Variants in INPP5A observed in about 807,000 individuals in gnomAD.
INPP5A encodes 43 kDa inositol polyphosphate 5-phophatase.
INPP5A carries 14 observed loss-of-function variants against 65.2 expected under a neutral mutation model. That is an observed-to-expected ratio of 0.21 (90% CI 0.14 to 0.34). The LOEUF (loss-of-function observed/expected upper bound fraction) is 0.34. INPP5A is among the 10% of genes least tolerant of loss of function. The pLI, the probability that INPP5A is intolerant of heterozygous loss-of-function variation, is 1.00. For missense variants in INPP5A, 431 were observed against 545.6 expected (o/e 0.79, Z 2.09); for synonymous variants, 207 against 208.3 (o/e 0.99, Z 0.05).
At chr10:132,548,169 C>T (rs969254804) in intron 1 of INPP5A, among the ~76,000 whole-genome samples, 11 of 151,826 alleles carry the variant, frequency 7.2e-5, no homozygotes, top group African/African-American at 9.7e-5. Flanking sequence ...TGTGAGCCAT[C>T]GTGCCCGGCC....
intron 11 of INPP5A, among the ~76,000 whole-genome samples, chr10:132,758,371 G>T (rs71503753): frequency 0.021 from 2,177 of 103,060 alleles, 109 homozygotes; most frequent in African/African-American, 0.056. Flanking sequence ...GACCCCACAG[G>T]CCAGTGCAAT....
rs1222341751 is a variant in INPP5A at position 132,727,367 on chromosome 10, T to TA, written c.732+464dup. ...TCTGCAAAGTCATTATTCCGTGAGTTAACGAGTCGTCACCCCCGCCTGGGA... is the reference window on the plus strand; with the variant it reads ...TCTGCAAAGTCATTATTCCGTGAGTTAAACGAGTCGTCACCCCCGCCTGGGA... On this transcript the variant is annotated intron_variant, in intron 9 of 15. Coordinates refer to ENST00000368594, the MANE Select transcript of INPP5A (RefSeq NM_005539.5). This position sits in a 1 kb window ranked among gnomAD's most constrained non-coding sequence, Gnocchi z 6.5. 1 of 152,618 alleles carries TA rather than the reference T, an allele frequency of 6.6e-6. No individual in the cohort carries two copies. The highest frequency in any genetic ancestry group is 2.4e-5 in the African/African-American group (1 of 41,452). The allele number at this position is 152,618 out of a possible 1,614,324, so 9.5% of individuals were successfully genotyped here.
intron 4 of INPP5A, 38 bp from the exon 5 acceptor site, chr10:132,690,354 C>T (rs1262211301): frequency 1.6e-6 from 2 of 1,254,978 alleles, no homozygotes; most frequent in Admixed American, 1.7e-5. Flanking sequence ...ATATTCCCAG[C>T]ACCAGTCTCT....
chr10:132,761,004 C>G (rs182795601), intron 11 of INPP5A, among the ~76,000 whole-genome samples: 2 of 152,138 alleles, frequency 1.3e-5, no homozygotes, highest in South Asian at 2.1e-4. Flanking sequence ...AGTTTGCATC[C>G]GCATAATATA....
rs956932509 is a variant in INPP5A, at chr10:132,644,828, C to G, written c.118-1040C>G. On this transcript the variant is annotated intron_variant, in intron 2 of 15. Transcript: ENST00000368594. The surrounding 1 kb of genome is among the most constrained non-coding windows in gnomAD (Gnocchi z 6.5). ...CCTGCTCAAGTGAAATGGGGCTCCCCGACTGCCTCACATGTGTCCCACCCA... is the reference window on the plus strand; with the variant it reads ...CCTGCTCAAGTGAAATGGGGCTCCCGGACTGCCTCACATGTGTCCCACCCA... 6.6e-6 allele frequency among the ~76,000 whole-genome samples: 1 copy of G among 152,210 alleles called. No individual in the cohort carries two copies. Among genetic ancestry groups the G allele is most frequent in the South Asian group, 2.1e-4 (1 of 4,824 alleles).
chr10:132,707,973 G>C lies in INPP5A; in HGVS notation c.475-340G>C, dbSNP rs529391037. The stretch of plus-strand genomic sequence containing the variant: ...CCAGCCGAGGGCGGCCGTGTGTCTC[G>C]AGCTCCCTGATCAGCATCTGTGGTG... On this transcript the variant is annotated intron_variant, in intron 6 of 15. Coordinates refer to ENST00000368594, the MANE Select transcript of INPP5A (RefSeq NM_005539.5). This position sits in a 1 kb window ranked among gnomAD's most constrained non-coding sequence, Gnocchi z 5.5. Among the ~76,000 whole-genome samples the C allele has an allele frequency of 6.6e-6, 1 of 152,180 alleles. No homozygotes were observed. Among genetic ancestry groups the C allele is most frequent in the African/African-American group, 2.4e-5 (1 of 41,442 alleles).
At chr10:132,734,733 T>G (rs1458674213) in intron 9 of INPP5A, among the ~76,000 whole-genome samples, 2 of 152,238 alleles carry the variant, frequency 1.3e-5, no homozygotes, top group African/African-American at 4.8e-5. Context: ...CCCACCTCTC[T>G]TCAGTTCTCC....
rs55675193 is a variant in INPP5A at position 132,717,887 on chromosome 10, G to T, written c.647+7431G>T. On this transcript the variant is annotated intron_variant, in intron 8 of 15. Transcript: ENST00000368594. Reference sequence around the variant, plus strand: ...TGGGTTCTGTCTGGGCGCCTTAGACGGCTGTCTTCAGGGTTCTGTGGTACC... The same window carrying T: ...TGGGTTCTGTCTGGGCGCCTTAGACTGCTGTCTTCAGGGTTCTGTGGTACC... 1.0e-3 allele frequency among the ~76,000 whole-genome samples: 136 copies of T among 132,400 alleles called. 1 individual carries two copies. The highest frequency in any genetic ancestry group is 4.0e-3 in the African/African-American group (129 of 31,972). The allele number at this position is 132,400 out of a possible 152,430, so 86.9% of individuals were successfully genotyped here. A position where few individuals can be genotyped will look rare whatever the true frequency, so the allele number is the denominator to read the frequency against.
At chr10:132,643,792 C>T in intron 2 of INPP5A, among the ~76,000 whole-genome samples, 1 of 152,132 alleles carries the variant, frequency 6.6e-6, no homozygotes. Flanking sequence ...GCCACTATGC[C>T]CACAGCATCC....
At chr10:132,763,782 C>T (rs868184508) in intron 11 of INPP5A, among the ~76,000 whole-genome samples, 4 of 152,016 alleles carry the variant, frequency 2.6e-5, no homozygotes, top group East Asian at 1.9e-4. Context: ...CACATAAACA[C>T]ATGCCTGCAT....
chr10:132,782,949 G>A lies in INPP5A; in HGVS notation c.*920G>A, dbSNP rs547220629. The A allele has an allele frequency of 2.0e-4, 30 of 152,460 alleles. No individual in the cohort carries two copies. The highest frequency in any genetic ancestry group is 6.5e-4 in the African/African-American group (27 of 41,526). 9.4% of individuals were successfully genotyped at this position (152,460 alleles called of 1,614,324 possible). A position where few individuals can be genotyped will look rare whatever the true frequency, so the allele number is the denominator to read the frequency against. ...TGTCTGTCTTTTGTTACTGTTTTAT[G>A]GTGCCAAGTATCCTACGTTACAACA... On this transcript the variant is annotated 3_prime_UTR_variant, in exon 16 of 16. Transcript: ENST00000368594. The surrounding 1 kb of genome is among the most constrained non-coding windows in gnomAD (Gnocchi z 4.4).
chr10:132,773,368 T>C (rs1846989472), intron 12 of INPP5A, among the ~76,000 whole-genome samples: 2 of 152,156 alleles, frequency 1.3e-5, no homozygotes, highest in Non-Finnish European at 2.9e-5. Context: ...GAGTTTTAGC[T>C]TCTGAAAAAC....
chr10:132,565,059 T>C (rs1234810437), intron 1 of INPP5A, among the ~76,000 whole-genome samples: 4 of 152,256 alleles, frequency 2.6e-5, no homozygotes, highest in African/African-American at 4.8e-5. Context: ...GCGTATTTTA[T>C]AGAGTGAGAT....
intron 9 of INPP5A, among the ~76,000 whole-genome samples, chr10:132,747,613 G>A (rs1390867727): frequency 6.6e-6 from 1 of 152,254 alleles, no homozygotes; most frequent in Non-Finnish European, 1.5e-5. Flanking sequence ...TCCGAGCCCC[G>A]GCCAGCGCCC....
intron 1 of INPP5A, among the ~76,000 whole-genome samples, chr10:132,592,799 C>T (rs1002371670): frequency 1.3e-5 from 2 of 152,238 alleles, no homozygotes; most frequent in Non-Finnish European, 1.5e-5. Flanking sequence ...TGCTGTGTAA[C>T]AGGTGGCCAC....
rs1472026542 is a variant in INPP5A, at chr10:132,644,022, A to G, written c.118-1846A>G. On this transcript the variant is annotated intron_variant, in intron 2 of 15. Coordinates refer to ENST00000368594, the MANE Select transcript of INPP5A (RefSeq NM_005539.5). This position sits in a 1 kb window ranked among gnomAD's most constrained non-coding sequence, Gnocchi z 6.5. ...CAAAACCAGAGTTGTGCATCAAGAC[A>G]GCTGGAACCAGACCACCGGAAACAC... 6.6e-6 allele frequency among the ~76,000 whole-genome samples: 1 copy of G among 152,140 alleles called. No homozygotes were observed. Among genetic ancestry groups the G allele is most frequent in the Non-Finnish European group, 1.5e-5 (1 of 68,014 alleles).
intron 9 of INPP5A, among the ~76,000 whole-genome samples, chr10:132,739,927 TC>T (rs1168842778): frequency 1.3e-5 from 2 of 152,196 alleles, no homozygotes; most frequent in Admixed American, 6.5e-5. Flanking sequence ...GCCGCCTGTG[TC>T]CACCCCAACG....
At chr10:132,691,281 A>T (rs1230993618) in intron 5 of INPP5A, among the ~76,000 whole-genome samples, 3 of 152,198 alleles carry the variant, frequency 2.0e-5, no homozygotes, top group Non-Finnish European at 4.4e-5. Flanking sequence ...CCGTTACCTG[A>T]AGACCTTCAG....
intron 1 of INPP5A, among the ~76,000 whole-genome samples, chr10:132,572,486 C>T (rs1323932512): frequency 2.0e-5 from 3 of 151,974 alleles, no homozygotes; most frequent in Middle Eastern, 3.2e-3. Context: ...ATGCTGAGCA[C>T]GCCCGCCCGG....
Sources: allele counts gnomAD v4.1 joint callset (sites outside exome capture counted in the v4.1 genomes callset), GRCh38; gene constraint gnomAD v4.1.1; non-coding constraint Gnocchi (gnomAD v3.1); transcripts MANE v1.5; gene names NCBI Gene and HGNC (gene_info 2026-07-23, HGNC 2026-07-21).